PMFBP1: variants seen among roughly 807,000 people sequenced by gnomAD.
PMFBP1 encodes polyamine modulated factor 1 binding protein 1.
PMFBP1 carries 131 observed loss-of-function variants against 137.8 expected under a neutral mutation model. The ratio of observed to expected loss-of-function variants is 0.95; its 90% CI spans 0.82 to 1.10. The LOEUF (loss-of-function observed/expected upper bound fraction) is 1.10, where lower values mean the gene tolerates loss of function less well. Among genes scored for constraint, PMFBP1 ranks in the 50% least tolerant of loss-of-function variants. PMFBP1 has a pLI of 0.00. For synonymous variants in PMFBP1, 490 were observed against 450.4 expected (o/e 1.09, Z -1.11); for missense variants, 1,199 against 1,175.4 (o/e 1.02, Z -0.29).
At chr16:72,135,177 G>A (rs3852783) in intron 9 of PMFBP1, among the ~76,000 whole-genome samples, 1 of 151,714 alleles carries the variant, frequency 6.6e-6, no homozygotes, top group Admixed American at 6.6e-5. Context: ...TGATGATGAT[G>A]ATTATTATTA....
At chr16:72,242,596 A>G in the PMFBP1 span, among the ~76,000 whole-genome samples, 4 of 152,192 alleles carry the variant, frequency 2.6e-5, no homozygotes, top group Non-Finnish European at 5.9e-5. Flanking sequence ...GGTCTTGATT[A>G]CACTGCACTC....
upstream of PMFBP1, among the ~76,000 whole-genome samples, chr16:72,173,013 A>C (rs558684338): frequency 2.6e-5 from 4 of 152,224 alleles, no homozygotes; most frequent in Non-Finnish European, 5.9e-5. Flanking sequence ...ACACTAGTCA[A>C]GCAAGATTAA....
chr16:72,132,814 G>A lies in PMFBP1; in HGVS notation c.1381C>T (p.Leu461=). 1 of 1,614,190 alleles carries A rather than the reference G, an allele frequency of 6.2e-7. No homozygotes were observed. Among genetic ancestry groups the A allele is most frequent in the Non-Finnish European group, 8.5e-7 (1 of 1,180,034 alleles). The part of the protein sequence containing the change: ...DKSKEAECKA[L]QAEVQKLKNS... ...TTCAGCTTCTGGACCTCAGCCTGCA[G>A]GGCCTTGCACTCCGCCTCCTTGGAC... The change falls in exon 10 of 21, where the codon CTG becomes TTG. Residue 461 remains leucine, a synonymous_variant. Coordinates refer to ENST00000237353, the MANE Select transcript of PMFBP1 (RefSeq NM_031293.3).
chr16:72,130,782 T>A, intron 10 of PMFBP1, 60 bp from the exon 11 acceptor site: 1 of 1,470,586 alleles, frequency 6.8e-7, no homozygotes, highest in East Asian at 2.4e-5. Flanking sequence ...CACACTCTTA[T>A]CAGCCTGGCT....
chr16:72,180,242 C>G (rs1171899155), upstream of PMFBP1, among the ~76,000 whole-genome samples: 3 of 152,190 alleles, frequency 2.0e-5, no homozygotes, highest in Non-Finnish European at 2.9e-5. Flanking sequence ...GGTGCATACT[C>G]TGGGCCCTTC....
chr16:72,135,495 G>T (rs1056027665), intron 9 of PMFBP1, among the ~76,000 whole-genome samples: 3 of 151,792 alleles, frequency 2.0e-5, no homozygotes, highest in East Asian at 1.9e-4. Flanking sequence ...GGGATTACAA[G>T]CGTGGGCCAC....
chr16:72,143,748 C>G (rs77203868), intron 5 of PMFBP1, among the ~76,000 whole-genome samples: 1 of 141,080 alleles, frequency 7.1e-6, no homozygotes, highest in African/African-American at 2.7e-5. Flanking sequence ...ATCTCAGAGA[C>G]AAAAAAAATT....
At chr16:72,248,425 G>C in the PMFBP1 span, among the ~76,000 whole-genome samples, 1 of 152,052 alleles carries the variant, frequency 6.6e-6, no homozygotes, top group Non-Finnish European at 1.5e-5. Flanking sequence ...ATGGACCTGG[G>C]ATAGGAAAAT....
the PMFBP1 span, among the ~76,000 whole-genome samples, chr16:72,186,133 A>G: frequency 1.3e-5 from 2 of 152,130 alleles, no homozygotes. Flanking sequence ...TCTTTCTTAC[A>G]TAGACTACTC....
the PMFBP1 span, among the ~76,000 whole-genome samples, chr16:72,225,326 G>C: frequency 6.6e-6 from 1 of 152,122 alleles, no homozygotes; most frequent in African/African-American, 2.4e-5. Context: ...GTTTCACTTA[G>C]TCTCCGAGGT....
the PMFBP1 span, among the ~76,000 whole-genome samples, chr16:72,215,683 A>G: frequency 6.6e-6 from 1 of 152,204 alleles, no homozygotes; most frequent in East Asian, 1.9e-4. Context: ...TGAACAAAGT[A>G]GGTGAAACAT....
chr16:72,237,215 A>G, the PMFBP1 span, among the ~76,000 whole-genome samples: 2 of 152,060 alleles, frequency 1.3e-5, no homozygotes. Context: ...ATGGGAAGAG[A>G]CCCCTAGAGA....
chr16:72,173,577 C>T (rs977396033), upstream of PMFBP1, among the ~76,000 whole-genome samples: 8 of 152,298 alleles, frequency 5.3e-5, no homozygotes, highest in African/African-American at 1.9e-4. Context: ...GGAGTTTGTT[C>T]CATGAAGGAG....
the PMFBP1 span, among the ~76,000 whole-genome samples, chr16:72,210,158 G>A: frequency 6.6e-6 from 1 of 152,294 alleles, no homozygotes; most frequent in South Asian, 2.1e-4. Context: ...CGGATGCAGC[G>A]AAACTTACGA....
At chr16:72,231,144 C>A in the PMFBP1 span, among the ~76,000 whole-genome samples, 1 of 152,096 alleles carries the variant, frequency 6.6e-6, no homozygotes, top group Non-Finnish European at 1.5e-5. Flanking sequence ...ACTGGAAGGG[C>A]ACAGAGGATT....
At position 72,150,831 on chromosome 16, in the gene PMFBP1, T is replaced by C. The variant is rs766112894; in HGVS notation, c.415-2A>G. On this transcript the variant is annotated splice_acceptor_variant, in intron 4 of 20. Transcript: ENST00000237353. LOFTEE classifies it high-confidence loss of function. Reference sequence around the variant, plus strand: ...CATTTCCTCCTCATAGAGAATCACCTGTAGGTGTAGGAATAAATCCACATT... The same window carrying C: ...CATTTCCTCCTCATAGAGAATCACCCGTAGGTGTAGGAATAAATCCACATT... The C allele has an allele frequency of 6.2e-7, 1 of 1,610,868 alleles. No individual in the cohort carries two copies. The highest frequency in any genetic ancestry group is 8.5e-7 in the Non-Finnish European group (1 of 1,178,248).
chr16:72,220,239 T>C, the PMFBP1 span, among the ~76,000 whole-genome samples: 2 of 152,314 alleles, frequency 1.3e-5, no homozygotes, highest in African/African-American at 4.8e-5. Flanking sequence ...AAGATGTTCA[T>C]CACAAAGTAT....
At chr16:72,230,845 C>T in the PMFBP1 span, among the ~76,000 whole-genome samples, 1 of 152,166 alleles carries the variant, frequency 6.6e-6, no homozygotes, top group African/African-American at 2.4e-5. Context: ...TCTGGTCTTG[C>T]TCCCTCCATT....
upstream of PMFBP1, among the ~76,000 whole-genome samples, chr16:72,181,037 G>C (rs1170505642): frequency 6.6e-6 from 1 of 152,022 alleles, no homozygotes; most frequent in African/African-American, 2.4e-5. Context: ...TCAAGAGATC[G>C]AGACCATCCT....
Sources: allele counts gnomAD v4.1 joint callset (sites outside exome capture counted in the v4.1 genomes callset), GRCh38; gene constraint gnomAD v4.1.1; transcripts MANE v1.5; gene names NCBI Gene and HGNC (gene_info 2026-07-23, HGNC 2026-07-21).